MYOF: variants seen among roughly 807,000 people sequenced by gnomAD.
MYOF encodes the protein fer-1-like 3, myoferlin.
MYOF carries 244 observed loss-of-function variants against 284.2 expected under a neutral mutation model. That is an observed-to-expected ratio of 0.86 (90% CI 0.77 to 0.95). The LOEUF (loss-of-function observed/expected upper bound fraction) is 0.95. MYOF is among the 40% of genes least tolerant of loss of function. The pLI is 0.00. For missense variants in MYOF, 2,496 were observed against 2,560.6 expected (o/e 0.97, Z 0.54); for synonymous variants, 904 against 919.7 (o/e 0.98, Z 0.31).
chr10:93,470,664 A>C (rs2057125810), intron 1 of MYOF, among the ~76,000 whole-genome samples: 1 of 152,040 alleles, frequency 6.6e-6, no homozygotes, highest in Admixed American at 6.5e-5. Context: ...GGCCTCCCAA[A>C]GTGCTGGGAT....
At position 93,405,794 on chromosome 10, in the gene MYOF, ATTTTT is replaced by A. The variant is rs3866906; in HGVS notation, c.730-1580_730-1576del. ...GTTAAAAAGATATATACAGGCTAGG[ATTTTT>A]TTTTTTTTTTTTTTTTTTGACGGAG... On this transcript the variant is annotated intron_variant, in intron 7 of 53. Transcript: ENST00000359263. Among the ~76,000 whole-genome samples the A allele has an allele frequency of 7.3e-3, 829 of 113,790 alleles. 7 individuals are homozygous for A. The highest frequency in any genetic ancestry group is 0.022 in the African/African-American group (768 of 34,300). The allele number at this position is 113,790 out of a possible 152,430, so 74.7% of individuals were successfully genotyped here.
intron 26 of MYOF, 59 bp from the exon 27 acceptor site, chr10:93,364,134 G>T: frequency 1.4e-6 from 2 of 1,425,916 alleles, no homozygotes; most frequent in Non-Finnish European, 2.0e-6. Context: ...CAGCCTCGGC[G>T]ATTGCCAACA....
intron 39 of MYOF, among the ~76,000 whole-genome samples, chr10:93,339,595 G>A (rs1374244064): frequency 4.2e-5 from 5 of 119,752 alleles, no homozygotes; most frequent in Non-Finnish European, 9.3e-5. Flanking sequence ...TCAGCCTCCC[G>A]AAAATCTGGG....
At chr10:93,376,513 A>T (rs1479202350) in intron 22 of MYOF, among the ~76,000 whole-genome samples, 1 of 151,704 alleles carries the variant, frequency 6.6e-6, no homozygotes, top group Non-Finnish European at 1.5e-5. Flanking sequence ...TTAAACAAGC[A>T]CCCCAGCAGT....
chr10:93,463,077 C>T (rs954801580), intron 1 of MYOF, among the ~76,000 whole-genome samples: 1 of 152,148 alleles, frequency 6.6e-6, no homozygotes, highest in Non-Finnish European at 1.5e-5. Flanking sequence ...TCCTGTTTTC[C>T]GATTAGCTAC....
At chr10:93,458,496 G>A (rs574519151) in intron 1 of MYOF, among the ~76,000 whole-genome samples, 2 of 152,268 alleles carry the variant, frequency 1.3e-5, no homozygotes, top group South Asian at 4.1e-4. Flanking sequence ...AGCACTTTGG[G>A]AGGCCAAGGC....
chr10:93,332,408 GA>G (rs1843354954), intron 43 of MYOF, among the ~76,000 whole-genome samples: 1 of 151,742 alleles, frequency 6.6e-6, no homozygotes, highest in Admixed American at 6.6e-5. Flanking sequence ...ATTTTGTAGA[GA>G]TGGGGTTTCA....
chr10:93,392,021 A>G (rs1162733948), intron 17 of MYOF, among the ~76,000 whole-genome samples: 1 of 152,026 alleles, frequency 6.6e-6, no homozygotes, highest in Non-Finnish European at 1.5e-5. Flanking sequence ...ATACTACTAC[A>G]TAAATATTCA....
chr10:93,388,241 G>A (rs1330696103), intron 18 of MYOF, among the ~76,000 whole-genome samples: 1 of 149,660 alleles, frequency 6.7e-6, no homozygotes, highest in African/African-American at 2.5e-5. Context: ...GGGGGTGGAT[G>A]GGGCTCTAAG....
intron 1 of MYOF, among the ~76,000 whole-genome samples, chr10:93,470,432 GCT>G (rs1234003253): frequency 6.6e-6 from 1 of 151,560 alleles, no homozygotes; most frequent in Non-Finnish European, 1.5e-5. Context: ...AGACAGAGTC[GCT>G]CTGTCACCCA....
At chr10:93,311,193 C>A (rs148654308) in intron 51 of MYOF, among the ~76,000 whole-genome samples, 1 of 152,272 alleles carries the variant, frequency 6.6e-6, no homozygotes, top group East Asian at 1.9e-4. Flanking sequence ...ATGTTCCCAG[C>A]ACCGTTTAAA....
At chr10:93,477,864 T>A (rs1361556245) in intron 1 of MYOF, among the ~76,000 whole-genome samples, 1 of 151,828 alleles carries the variant, frequency 6.6e-6, no homozygotes, top group African/African-American at 2.4e-5. Context: ...AATAAATAAA[T>A]AAAAATGAAA....
At chr10:93,386,164 C>A (rs1399481520) in intron 19 of MYOF, among the ~76,000 whole-genome samples, 3 of 152,214 alleles carry the variant, frequency 2.0e-5, no homozygotes, top group Non-Finnish European at 4.4e-5. Flanking sequence ...CAATCTGTAA[C>A]TACTCAAGTC....
Position 93,363,986 on chromosome 10 carries a change from G to C in MYOF, c.2843C>G (p.Pro948Arg). 1 of 1,614,158 alleles carries C rather than the reference G, an allele frequency of 6.2e-7. No individual in the cohort carries two copies. The highest frequency in any genetic ancestry group is 8.5e-7 in the Non-Finnish European group (1 of 1,180,026). Residue 948 changes from proline (P) to arginine (R), a missense_variant, in exon 27 of 54, where the codon CCG becomes CGG. Physicochemically the swap from Pro to Arg is moderately radical, Grantham distance 103. Transcript: ENST00000359263. ...ESRYPGGDWK[P>R]AEDTYTDANG... is the part of the protein sequence containing the mutation. ...CGCATCCGTGTAGGTGTCCTCGGCC[G>C]GCTTCCAGTCGCCCCCGGGGTAGCG...
intron 5 of MYOF, among the ~76,000 whole-genome samples, chr10:93,422,054 T>G (rs1351341831): frequency 6.6e-6 from 1 of 152,018 alleles, no homozygotes; most frequent in Non-Finnish European, 1.5e-5. Context: ...AAGGCAGCAC[T>G]TCCAGATCAA....
At chr10:93,323,199 C>CT (rs1346715643) in intron 47 of MYOF, 26 bp from the exon 48 acceptor site, 12 of 1,612,994 alleles carry the variant, frequency 7.4e-6, no homozygotes, top group South Asian at 1.1e-5. Context: ...TTGGAAGGTA[C>CT]TTTTTTTTCT....
chr10:93,395,254 C>A (rs1412404007), intron 16 of MYOF, among the ~76,000 whole-genome samples: 1 of 152,130 alleles, frequency 6.6e-6, no homozygotes, highest in Non-Finnish European at 1.5e-5. Context: ...ACCATCCTGG[C>A]CAACATGGTA....
intron 11 of MYOF, 44 bp from the exon 12 acceptor site, chr10:93,401,588 C>T (rs1226889157): frequency 1.3e-6 from 2 of 1,597,602 alleles, no homozygotes; most frequent in East Asian, 2.3e-5. Context: ...AGAAAAGCAG[C>T]ACTTGGAAAA....
At chr10:93,332,548 T>C (rs1843362278) in intron 43 of MYOF, among the ~76,000 whole-genome samples, 1 of 151,120 alleles carries the variant, frequency 6.6e-6, no homozygotes, top group African/African-American at 2.4e-5. Context: ...GCTAAGTACA[T>C]TAAACACTGA....
Sources: gnomAD v4.1 joint callset for allele counts (sites outside exome capture counted in the v4.1 genomes callset) on GRCh38, gnomAD v4.1.1 for gene constraint, MANE v1.5 for transcripts, NCBI Gene and HGNC (gene_info 2026-07-23, HGNC 2026-07-21) for gene names.